The following OR3A2 variants were observed in gnomAD, a reference collection of about 807,000 sequenced individuals.
The protein encoded by OR3A2 is olfactory receptor family 3 subfamily A member 2, also known as olfactory receptor 3A2.
For missense variants in OR3A2, 318 were observed against 392.8 expected, an observed-to-expected ratio of 0.81 and a Z score of 1.61; for synonymous variants, 126 against 159.3, an observed-to-expected ratio of 0.79 and a Z score of 1.57.
chr17:3,377,268 C>A (rs2049692939), intron 2 of OR3A2, among the ~76,000 whole-genome samples: 1 of 152,152 alleles, frequency 6.6e-6, no homozygotes, highest in South Asian at 2.1e-4. Context: ...CCTAGCATTT[C>A]CCAGCCTCAG....
At chr17:3,294,832 A>ACTAT (rs1163034405) in intron 3 of OR3A2, among the ~76,000 whole-genome samples, 1 of 152,200 alleles carries the variant, frequency 6.6e-6, no homozygotes, top group African/African-American at 2.4e-5. Flanking sequence ...AATTGTTGAA[A>ACTAT]CTATCTAGAC....
At chr17:3,328,797 C>G (rs1219802278) in intron 3 of OR3A2, among the ~76,000 whole-genome samples, 1 of 143,510 alleles carries the variant, frequency 7.0e-6, no homozygotes, top group Non-Finnish European at 1.5e-5. Context: ...AAGGCCTTTT[C>G]TGCATCTATT....
At chr17:3,334,451 T>A (rs1384686073) in intron 3 of OR3A2, among the ~76,000 whole-genome samples, 1 of 152,168 alleles carries the variant, frequency 6.6e-6, no homozygotes, top group Non-Finnish European at 1.5e-5. Context: ...CCCAGTTCCA[T>A]CATGTTGCTG....
chr17:3,300,207 C>T (rs2048951681), intron 3 of OR3A2, among the ~76,000 whole-genome samples: 2 of 151,856 alleles, frequency 1.3e-5, no homozygotes, highest in Non-Finnish European at 2.9e-5. Flanking sequence ...TGTCTCTGCC[C>T]TCAAGACTCT....
At chr17:3,357,461 A>C (rs576968610) in intron 2 of OR3A2, among the ~76,000 whole-genome samples, 1 of 151,670 alleles carries the variant, frequency 6.6e-6, no homozygotes, top group Non-Finnish European at 1.5e-5. Flanking sequence ...GCTGCACACA[A>C]AGAGACATAT....
intron 2 of OR3A2, among the ~76,000 whole-genome samples, chr17:3,366,696 G>T (rs1271479566): frequency 6.6e-6 from 1 of 152,102 alleles, no homozygotes; most frequent in Admixed American, 6.6e-5. Flanking sequence ...AACATTCATG[G>T]CAGATATTCT....
intron 3 of OR3A2, among the ~76,000 whole-genome samples, chr17:3,308,882 C>G (rs2049018190): frequency 6.6e-6 from 1 of 150,894 alleles, no homozygotes; most frequent in Non-Finnish European, 1.5e-5. Flanking sequence ...ATCCCTCAGC[C>G]AGAGGTTGAG....
At chr17:3,297,051 T>G (rs2150624367) in intron 3 of OR3A2, among the ~76,000 whole-genome samples, 1 of 152,318 alleles carries the variant, frequency 6.6e-6, no homozygotes, top group Admixed American at 6.5e-5. Context: ...CACAGGTTCA[T>G]TTTATATCTG....
chr17:3,381,222 C>T (rs1005774159), intron 2 of OR3A2, among the ~76,000 whole-genome samples: 4 of 151,768 alleles, frequency 2.6e-5, no homozygotes, highest in Non-Finnish European at 5.9e-5. Context: ...AGCGTGTATC[C>T]CTGTGCACTT....
intron 3 of OR3A2, among the ~76,000 whole-genome samples, chr17:3,303,843 G>C (rs1030799094): frequency 7.3e-5 from 11 of 150,556 alleles, no homozygotes; most frequent in African/African-American, 2.7e-4. Flanking sequence ...AGTGAGCCGA[G>C]ATCATGGCAC....
At position 3,367,558 on chromosome 17, in the gene OR3A2, C is replaced by T. The variant is rs187482888; in HGVS notation, c.-179+16246G>A. Reference sequence around the variant, plus strand: ...GCCATTATTTCATTCCTTTTTATGGCTGAGTAGTATTCCATGGTGTATATG... The same window carrying T: ...GCCATTATTTCATTCCTTTTTATGGTTGAGTAGTATTCCATGGTGTATATG... On this transcript the variant is annotated intron_variant, in intron 2 of 4. Coordinates refer to the OR3A2 transcript ENST00000573491. 2.1e-5 allele frequency among the ~76,000 whole-genome samples: 3 copies of T among 140,886 alleles called. No individual in the cohort carries two copies. The East Asian group carries it at 6.0e-4, about 28-fold the overall frequency. The allele number at this position is 140,886 out of a possible 152,430, so 92.4% of individuals were successfully genotyped here. A position where few individuals can be genotyped will look rare whatever the true frequency, so the allele number is the denominator to read the frequency against.
At position 3,278,392 on chromosome 17, in the gene OR3A2, C is replaced by T. The variant is rs201550948; in HGVS notation, c.526G>A (p.Glu176Lys). The T allele has an allele frequency of 1.3e-4, 209 of 1,614,214 alleles. No individual in the cohort carries two copies. The African/African-American group carries it at 2.6e-3, about 20-fold the overall frequency. The stretch of plus-strand genomic sequence containing the variant: ...AGGTCACAGTAGAAGTGATTGACCT[C>T]ATTGGGGCCACAGAAGTTGAGCGTG... The change falls in exon 2 of 2, where the codon GAG becomes AAG. Residue 176 changes from glutamate to lysine, a missense_variant. Glu to Lys is a moderately conservative substitution (Grantham distance 56, BLOSUM62 1). Transcript: ENST00000642052.
At chr17:3,381,016 C>T (rs1451585926) in intron 2 of OR3A2, among the ~76,000 whole-genome samples, 2 of 152,016 alleles carry the variant, frequency 1.3e-5, no homozygotes, top group Non-Finnish European at 2.9e-5. Context: ...TTGGGTGTTG[C>T]ATGTGTATGT....
upstream of OR3A2, among the ~76,000 whole-genome samples, chr17:3,285,866 A>G (rs1366901966): frequency 6.6e-6 from 1 of 152,228 alleles, no homozygotes; most frequent in Non-Finnish European, 1.5e-5. Flanking sequence ...GTAACATGCT[A>G]AGAACACAAC....
chr17:3,382,980 C>T (rs540341171), intron 2 of OR3A2, among the ~76,000 whole-genome samples: 21 of 152,242 alleles, frequency 1.4e-4, no homozygotes, highest in African/African-American at 4.6e-4. Flanking sequence ...ATGAATTGTA[C>T]GGCTGAGCCA....
At chr17:3,350,087 T>C (rs1162859779) in intron 2 of OR3A2, among the ~76,000 whole-genome samples, 1 of 148,500 alleles carries the variant, frequency 6.7e-6, no homozygotes, top group African/African-American at 2.5e-5. Flanking sequence ...GCAGGAAAGA[T>C]CCAAAATTGA....
intron 3 of OR3A2, among the ~76,000 whole-genome samples, chr17:3,330,236 T>C (rs1030218735): frequency 1.3e-5 from 2 of 151,740 alleles, no homozygotes; most frequent in Non-Finnish European, 2.9e-5. Flanking sequence ...GTTGGCTTGG[T>C]GCAGAGCTGA....
At chr17:3,362,954 G>C (rs1397240690) in intron 2 of OR3A2, among the ~76,000 whole-genome samples, 1 of 151,856 alleles carries the variant, frequency 6.6e-6, no homozygotes, top group Non-Finnish European at 1.5e-5. Context: ...GCCACAGCTG[G>C]AGCTGCAGCA....
In OR3A2 at chr17:3,305,200, G is replaced by A. The variant is rs187440451; in HGVS notation, c.-84-26047C>T. ...TGATATGCATGCTTAAGTATTTAGG[G>A]GGACATGTACTGATGTCTGCGTCTA... On this transcript the variant is annotated intron_variant, in intron 3 of 4. Transcript: ENST00000573491. Among the ~76,000 whole-genome samples, 3 of 152,248 alleles carry A rather than the reference G, an allele frequency of 2.0e-5. No homozygotes were observed. In the East Asian group the frequency reaches 5.8e-4, roughly 29 times the overall value.
Sources: allele counts gnomAD v4.1 joint callset (sites outside exome capture counted in the v4.1 genomes callset), GRCh38; gene constraint gnomAD v4.1.1; transcripts MANE v1.5; gene names NCBI Gene and HGNC (gene_info 2026-07-23, HGNC 2026-07-21).